BICRAL: variants seen among roughly 807,000 people sequenced by gnomAD.
BICRAL encodes BRD4-interacting chromatin-remodeling complex-associated protein-like.
Under a neutral mutation model 91.8 loss-of-function variants are expected in BICRAL, and 8 were observed. That is an observed-to-expected ratio of 0.09 (90% CI 0.05 to 0.16). The LOEUF (loss-of-function observed/expected upper bound fraction) is 0.16, where lower values mean the gene tolerates loss of function less well. Among genes scored for constraint, BICRAL ranks in the 10% least tolerant of loss-of-function variants. The pLI, the probability that BICRAL is intolerant of heterozygous loss-of-function variation, is 1.00. For missense variants in BICRAL, 1,038 were observed against 1,310.9 expected (o/e 0.79, Z 3.21); for synonymous variants, 445 against 491.1 (o/e 0.91, Z 1.24).
chr6:42,775,782 T>G (rs1762799798), intron 1 of BICRAL, among the ~76,000 whole-genome samples: 1 of 152,190 alleles, frequency 6.6e-6, no homozygotes, highest in Non-Finnish European at 1.5e-5. Context: ...AACATGTCAT[T>G]TAATATAGAG....
intron 6 of BICRAL, among the ~76,000 whole-genome samples, chr6:42,839,669 A>G (rs770145765): frequency 2.3e-4 from 35 of 152,040 alleles, no homozygotes; most frequent in Non-Finnish European, 4.6e-4. Context: ...ACATATCTCT[A>G]AGAGATCATG....
At chr6:42,783,093 G>C (rs1012971040) in intron 1 of BICRAL, among the ~76,000 whole-genome samples, 1 of 151,506 alleles carries the variant, frequency 6.6e-6, no homozygotes, top group African/African-American at 2.4e-5. Flanking sequence ...GGTCCGGGGT[G>C]CGGCGGGGAG....
Position 42,749,886 on chromosome 6 carries a change from G to A in BICRAL, c.-261+2863G>A, listed in dbSNP as rs550154977. On this transcript the variant is annotated intron_variant, in intron 1 of 14. Transcript: ENST00000614467. ...TTTTTTTTTTTTGAGATAGAGTCTC[G>A]CTCTGTTGCCCAGGCCAGAGTGCAG... 7.1e-3 allele frequency among the ~76,000 whole-genome samples: 1,034 copies of A among 145,894 alleles called. 13 individuals carry two copies. The highest frequency in any genetic ancestry group is 0.023 in the African/African-American group (890 of 39,270).
intron 9 of BICRAL, among the ~76,000 whole-genome samples, chr6:42,856,366 C>CTTTT (rs556976712): frequency 2.9e-5 from 2 of 68,104 alleles, no homozygotes; most frequent in Admixed American, 1.6e-4. Flanking sequence ...CTTTCTTTTC[C>CTTTT]TTTTTTTTTT....
At chr6:42,781,346 TA>T (rs1762897803), upstream of BICRAL, among the ~76,000 whole-genome samples, 1 of 152,106 alleles carries the variant, frequency 6.6e-6, no homozygotes, top group African/African-American at 2.4e-5. Context: ...GCTTCACAGG[TA>T]AGGTTTCAAG....
chr6:42,769,298 T>G (rs1475803097), intron 1 of BICRAL, among the ~76,000 whole-genome samples: 1 of 152,226 alleles, frequency 6.6e-6, no homozygotes, highest in Non-Finnish European at 1.5e-5. Context: ...CTTCAGTTCC[T>G]CACCACATGG....
chr6:42,861,272 A>C (rs984620274), intron 11 of BICRAL, among the ~76,000 whole-genome samples: 1 of 152,224 alleles, frequency 6.6e-6, no homozygotes, highest in Non-Finnish European at 1.5e-5. Flanking sequence ...AGATCGCACC[A>C]CTGTACTCCA....
intron 6 of BICRAL, among the ~76,000 whole-genome samples, chr6:42,844,585 C>T (rs1398587889): frequency 7.4e-6 from 1 of 135,232 alleles, no homozygotes; most frequent in Non-Finnish European, 1.5e-5. Flanking sequence ...GTGATGCACA[C>T]TGAGAAGGAA....
At chr6:42,751,750 T>C (rs4714623) in intron 1 of BICRAL, among the ~76,000 whole-genome samples, 25,660 of 148,308 alleles carry the variant, frequency 0.17, 2,600 homozygotes, top group African/African-American at 0.28. Context: ...CCCCGCCTCC[T>C]GGGTTCAAGC....
chr6:42,753,711 A>G (rs546839187), intron 1 of BICRAL, among the ~76,000 whole-genome samples: 9 of 152,242 alleles, frequency 5.9e-5, no homozygotes, highest in African/African-American at 2.2e-4. Flanking sequence ...TCCTGGGTTC[A>G]AGTGATTCTC....
intron 1 of BICRAL, among the ~76,000 whole-genome samples, chr6:42,787,289 G>A (rs1763128392): frequency 6.6e-6 from 1 of 152,188 alleles, no homozygotes. Context: ...AGGAACAGGT[G>A]GAGAGGAGTG....
intron 1 of BICRAL, among the ~76,000 whole-genome samples, chr6:42,767,400 T>C (rs139016952): frequency 1.5e-3 from 222 of 152,316 alleles, no homozygotes; most frequent in African/African-American, 5.2e-3. Context: ...TGCCTCACCA[T>C]GGATGCCACC....
At chr6:42,848,119 ACT>A (rs1387730481) in intron 6 of BICRAL, among the ~76,000 whole-genome samples, 7 of 151,224 alleles carry the variant, frequency 4.6e-5, no homozygotes, top group African/African-American at 1.5e-4. Flanking sequence ...ACAGAGTGAG[ACT>A]CTGTCTCAAA....
chr6:42,826,478 A>G (rs752498523), intron 5 of BICRAL, among the ~76,000 whole-genome samples: 50 of 151,442 alleles, frequency 3.3e-4, no homozygotes, highest in Non-Finnish European at 1.8e-4. Flanking sequence ...CAGGTGATCC[A>G]CCCGCCTCGG....
At chr6:42,749,732 G>A (rs886456157) in intron 1 of BICRAL, among the ~76,000 whole-genome samples, 2 of 151,990 alleles carry the variant, frequency 1.3e-5, no homozygotes, top group African/African-American at 2.4e-5. Flanking sequence ...CTTGTTTCCT[G>A]TAAAGCCCTA....
chr6:42,749,969 C>T (rs1258438790), intron 1 of BICRAL, among the ~76,000 whole-genome samples: 2 of 151,856 alleles, frequency 1.3e-5, no homozygotes, highest in African/African-American at 4.8e-5. Context: ...ATTCTCCTGC[C>T]TCAGGCTCCC....
intron 2 of BICRAL, among the ~76,000 whole-genome samples, chr6:42,818,564 G>A (rs16896093): frequency 0.011 from 1,661 of 152,000 alleles, 8 homozygotes; most frequent in Middle Eastern, 0.031. Context: ...TCATGCAGAA[G>A]CTTTGCACTT....
At chr6:42,766,833 G>T (rs1370162510) in intron 1 of BICRAL, among the ~76,000 whole-genome samples, 4 of 152,156 alleles carry the variant, frequency 2.6e-5, no homozygotes, top group African/African-American at 4.8e-5. Flanking sequence ...GAGGTCAGGA[G>T]ATCGAGACCA....
At chr6:42,817,146 A>T (rs1010074486) in intron 2 of BICRAL, among the ~76,000 whole-genome samples, 4 of 121,910 alleles carry the variant, frequency 3.3e-5, no homozygotes, top group Non-Finnish European at 5.1e-5. Context: ...CACATCATTT[A>T]TATGTGTGTG....
Sources: allele counts gnomAD v4.1 joint callset (sites outside exome capture counted in the v4.1 genomes callset), GRCh38; gene constraint gnomAD v4.1.1; transcripts MANE v1.5; gene names NCBI Gene and HGNC (gene_info 2026-07-23, HGNC 2026-07-21).